Variants in DCC observed in about 807,000 individuals in gnomAD.
The protein encoded by DCC is DCC netrin 1 receptor.
A neutral mutation model predicts 172.5 loss-of-function variants in DCC; 58 were observed. The ratio of observed to expected loss-of-function variants is 0.34; its 90% CI spans 0.27 to 0.42. The LOEUF (loss-of-function observed/expected upper bound fraction) is 0.42. Ranked by LOEUF, DCC falls within the 10% of genes least tolerant of loss-of-function variation. The pLI, the probability that DCC is intolerant of heterozygous loss-of-function variation, is 1.00. For synonymous variants in DCC, 709 were observed against 644.5 expected (o/e 1.10, Z -1.52); for missense variants, 1,740 against 1,791.0 (o/e 0.97, Z 0.51).
At position 53,397,422 on chromosome 18, in the gene DCC, G is replaced by T. The variant is rs769659847; in HGVS notation, c.2803G>T (p.Ala935Ser). 3 of 1,613,898 alleles carry T rather than the reference G, an allele frequency of 1.9e-6. No homozygotes were observed. Among genetic ancestry groups the T allele is most frequent in the Admixed American group, 1.7e-5 (1 of 59,996 alleles). Residue 935 changes from alanine to serine, a missense_variant, in exon 18 of 29, where the codon GCA becomes TCA. Ala to Ser is a moderately conservative substitution (Grantham distance 99, BLOSUM62 1). Coordinates refer to ENST00000442544, the MANE Select transcript of DCC (RefSeq NM_005215.4). The stretch of plus-strand genomic sequence containing the variant: ...AAGGTCCAGTACTTGGAGCATGACT[G>T]CACATGCCACCACGTATGAAGCAGG... ...NRRSSTWSMT[A>S]HATTYEAAPT... is the part of the protein sequence containing the mutation.
chr18:53,449,611 C>T (rs1314998280), intron 22 of DCC, among the ~76,000 whole-genome samples: 4 of 152,190 alleles, frequency 2.6e-5, no homozygotes, highest in Non-Finnish European at 5.9e-5. Flanking sequence ...TCTTTTACAG[C>T]ATCAAATAGT....
rs147661369 is a variant in DCC at position 53,499,654 on chromosome 18, A to G, written c.4111+144A>G. ...CCCAGTGTGCTCATTTTTGTTACTG[A>G]TGCTTGTAGTGTAACCCTTAATGAC... On this transcript the variant is annotated intron_variant, in intron 27 of 28. Transcript: ENST00000442544. 3,634 of 766,802 alleles carry G rather than the reference A, an allele frequency of 4.7e-3. 39 individuals carry two copies. The highest frequency in any genetic ancestry group is 0.03 in the Middle Eastern group (124 of 4,156). 47.5% of individuals were successfully genotyped at this position (766,802 alleles called of 1,614,324 possible).
Position 53,016,941 on chromosome 18 carries a change from T to C in DCC, c.986-46364T>C, listed in dbSNP as rs533916779. Among the ~76,000 whole-genome samples, 9 of 152,342 alleles carry C rather than the reference T, an allele frequency of 5.9e-5. No homozygotes were observed. The East Asian group carries it at 1.7e-3, about 29-fold the overall frequency. ...GTGAGAAGATAGAAGTAGCTAGTTA[T>C]CTTCAGCCAGAGGAATATTTTGTAT... is the stretch of plus-strand genomic sequence containing the variant. On this transcript the variant is annotated intron_variant, in intron 5 of 28. Transcript: ENST00000442544.
chr18:52,474,238 G>A (rs922278854), intron 1 of DCC, among the ~76,000 whole-genome samples: 1 of 75,176 alleles, frequency 1.3e-5, no homozygotes, highest in Non-Finnish European at 4.0e-5. Flanking sequence ...GAGAGAGAGA[G>A]AGAGAAAGAG....
chr18:53,038,401 A>C (rs922407021), intron 5 of DCC, among the ~76,000 whole-genome samples: 4 of 151,968 alleles, frequency 2.6e-5, no homozygotes, highest in Admixed American at 6.6e-5. Flanking sequence ...GCCTACCCTC[A>C]GGACCTAATC....
chr18:52,534,184 A>G (rs1054166276), intron 1 of DCC, among the ~76,000 whole-genome samples: 2 of 152,104 alleles, frequency 1.3e-5, no homozygotes, highest in Non-Finnish European at 2.9e-5. Flanking sequence ...TATGTCTAAC[A>G]TCTATTATTA....
intron 2 of DCC, among the ~76,000 whole-genome samples, chr18:52,784,517 T>C (rs2037615201): frequency 6.6e-6 from 1 of 152,102 alleles, no homozygotes; most frequent in African/African-American, 2.4e-5. Flanking sequence ...CTGTACTGAT[T>C]TGCATTCCCA....
intron 7 of DCC, among the ~76,000 whole-genome samples, chr18:53,142,794 T>A (rs2043850494): frequency 6.6e-6 from 1 of 152,194 alleles, no homozygotes; most frequent in South Asian, 2.1e-4. Flanking sequence ...CATTAGGTTT[T>A]CCATTAATAT....
chr18:53,281,204 GTAT>G (rs1360457774), intron 12 of DCC, among the ~76,000 whole-genome samples: 2 of 152,102 alleles, frequency 1.3e-5, no homozygotes, highest in Non-Finnish European at 2.9e-5. Flanking sequence ...CTACAAAACA[GTAT>G]TATTTGCCAT....
chr18:53,316,923 C>CCATGAGCATGGAATGTTTT (rs2057350370), intron 13 of DCC, among the ~76,000 whole-genome samples: 2 of 152,002 alleles, frequency 1.3e-5, no homozygotes, highest in African/African-American at 4.8e-5. Flanking sequence ...TTCTTCCTAT[C>CCATGAGCATGGAATGTTTT]TGAATACCCT....
At chr18:52,431,211 T>C (rs1987610666) in intron 1 of DCC, among the ~76,000 whole-genome samples, 1 of 152,120 alleles carries the variant, frequency 6.6e-6, no homozygotes, top group African/African-American at 2.4e-5. Context: ...AGCTGCACTT[T>C]TACAAGTCCT....
intron 1 of DCC, among the ~76,000 whole-genome samples, chr18:52,462,134 A>G (rs1414918096): frequency 6.6e-6 from 1 of 152,200 alleles, no homozygotes; most frequent in Non-Finnish European, 1.5e-5. Context: ...CCACCAAGGT[A>G]GGAAGTTATT....
chr18:53,474,041 C>G (rs1200838457), intron 25 of DCC, among the ~76,000 whole-genome samples: 1 of 151,200 alleles, frequency 6.6e-6, no homozygotes, highest in Non-Finnish European at 1.5e-5. Flanking sequence ...TTGTAATTAT[C>G]AGATAACAAC....
At chr18:53,046,075 T>C (rs1430973223) in intron 5 of DCC, among the ~76,000 whole-genome samples, 2 of 151,840 alleles carry the variant, frequency 1.3e-5, no homozygotes, top group Non-Finnish European at 2.9e-5. Flanking sequence ...TTCAGGTAGA[T>C]AACTAAACAC....
chr18:52,347,904 C>A (rs939623363), intron 1 of DCC, among the ~76,000 whole-genome samples: 11 of 151,974 alleles, frequency 7.2e-5, no homozygotes, highest in Non-Finnish European at 5.9e-5. Flanking sequence ...ATTAATAATA[C>A]AATTCATGAT....
intron 27 of DCC, among the ~76,000 whole-genome samples, chr18:53,524,145 C>T (rs1159518011): frequency 6.6e-6 from 1 of 151,800 alleles, no homozygotes; most frequent in Non-Finnish European, 1.5e-5. Flanking sequence ...GTGTTCTCAA[C>T]ACAAAACATA....
intron 1 of DCC, among the ~76,000 whole-genome samples, chr18:52,627,880 G>T (rs772685510): frequency 6.6e-6 from 1 of 152,124 alleles, no homozygotes. Flanking sequence ...TTTGACTGGA[G>T]AGTGTCTGCA....
At chr18:52,643,880 C>G (rs2034958999) in intron 1 of DCC, among the ~76,000 whole-genome samples, 1 of 152,044 alleles carries the variant, frequency 6.6e-6, no homozygotes, top group Admixed American at 6.6e-5. Context: ...TATAGAGTAC[C>G]TTACAACTTT....
chr18:53,067,817 T>C (rs901027127), intron 7 of DCC, among the ~76,000 whole-genome samples: 29 of 152,202 alleles, frequency 1.9e-4, no homozygotes, highest in Non-Finnish European at 1.3e-4. Flanking sequence ...TGTTAATCTT[T>C]TCCTGAAGTA....
Sources: allele counts gnomAD v4.1 joint callset (sites outside exome capture counted in the v4.1 genomes callset), GRCh38; gene constraint gnomAD v4.1.1; transcripts MANE v1.5; gene names NCBI Gene and HGNC (gene_info 2026-07-23, HGNC 2026-07-21).